PCDHA4: variants seen among roughly 807,000 people sequenced by gnomAD.
PCDHA4 encodes the protein protocadherin alpha 4.
PCDHA4 carries 49 observed loss-of-function variants against 61.4 expected under a neutral mutation model. The ratio of observed to expected loss-of-function variants is 0.80; its 90% CI spans 0.63 to 1.01. The LOEUF (loss-of-function observed/expected upper bound fraction) is 1.01. Ranked by LOEUF, PCDHA4 falls within the 50% of genes least tolerant of loss-of-function variation. The pLI, the probability that PCDHA4 is intolerant of heterozygous loss-of-function variation, is 0.00. For missense variants in PCDHA4, 1,254 were observed against 1,235.8 expected, an observed-to-expected ratio of 1.01 and a Z score of -0.22; for synonymous variants, 590 against 550.3, an observed-to-expected ratio of 1.07 and a Z score of -1.01.
intron 1 of PCDHA4, chr5:140,854,159 C>A (rs1172794260): frequency 2.5e-3 from 847 of 341,142 alleles, no homozygotes; most frequent in Admixed American, 7.6e-3. Context: ...GATTCTGTCT[C>A]AAAAAAAAAA....
intron 1 of PCDHA4, chr5:140,848,908 A>C: frequency 6.2e-7 from 1 of 1,600,388 alleles, no homozygotes; most frequent in Non-Finnish European, 8.5e-7. Flanking sequence ...GCGACACAAA[A>C]GAATCTGTTC....
chr5:140,829,948 C>T (rs1770701254), intron 1 of PCDHA4: 1 of 1,613,996 alleles, frequency 6.2e-7, no homozygotes, highest in Non-Finnish European at 8.5e-7. Flanking sequence ...GCAGCGCTCG[C>T]TTCCCGTTTC....
intron 1 of PCDHA4, chr5:140,882,775 C>T (rs1554175564): frequency 2.5e-6 from 4 of 1,614,220 alleles, no homozygotes; most frequent in East Asian, 4.5e-5. Flanking sequence ...CGGCATTGAC[C>T]TACCGACTGG....
rs2150311050 is a variant in PCDHA4, at chr5:140,841,098, T to C, written c.2385+31526T>C. The C allele has an allele frequency of 1.6e-4, 93 of 572,610 alleles. 1 individual carries two copies. The highest frequency in any genetic ancestry group is 1.4e-3 in the African/African-American group (77 of 53,518). The allele number at this position is 572,610 out of a possible 1,614,324, so 35.5% of individuals were successfully genotyped here. On this transcript the variant is annotated intron_variant, in intron 1 of 3. Transcript: ENST00000530339. ...GAAAGTGCATAGAAGAACCCAGATA[T>C]TGCGGAAGTAATTCATGTAATCATT...
At chr5:140,862,583 A>C in intron 1 of PCDHA4, 1 of 494,044 alleles carries the variant, frequency 2.0e-6, no homozygotes, top group South Asian at 1.6e-5. Flanking sequence ...GCGTTCCAGC[A>C]GCCCGAGTAC....
chr5:140,815,780 C>T (rs1220989871), intron 1 of PCDHA4: 2 of 152,174 alleles, frequency 1.3e-5, no homozygotes, highest in African/African-American at 4.8e-5. Context: ...ATTGTGATCA[C>T]CTTCAGCTTT....
intron 1 of PCDHA4, chr5:140,876,095 T>C (rs781801828): frequency 4.3e-6 from 7 of 1,613,928 alleles, no homozygotes; most frequent in Non-Finnish European, 5.9e-6. Context: ...ACGCCAAAAC[T>C]CAATTTATTG....
chr5:140,842,275 C>A, intron 1 of PCDHA4: 2 of 1,610,286 alleles, frequency 1.2e-6, no homozygotes, highest in Non-Finnish European at 8.5e-7. Flanking sequence ...TATACAAAAT[C>A]CTCATTGACG....
intron 1 of PCDHA4, chr5:140,823,575 G>C: frequency 6.2e-7 from 1 of 1,613,976 alleles, no homozygotes; most frequent in Non-Finnish European, 8.5e-7. Flanking sequence ...ACCCTGATTC[G>C]GGCTACAACG....
chr5:140,968,714 G>A, intron 1 of PCDHA4: 1 of 1,614,150 alleles, frequency 6.2e-7, no homozygotes, highest in South Asian at 1.1e-5. Flanking sequence ...GAAGATGGGA[G>A]ATGAGAGTGG....
chr5:140,853,458 T>TA lies in PCDHA4; in HGVS notation c.2385+43887dup. 7 of 974,486 alleles carry TA rather than the reference T, an allele frequency of 7.2e-6. 1 individual carries two copies. Among genetic ancestry groups the TA allele is most frequent in the Non-Finnish European group, 8.7e-6 (7 of 807,370 alleles). The allele number at this position is 974,486 out of a possible 1,614,324, so 60.4% of individuals were successfully genotyped here. ...CTATTTTGCCTAATAGGTCTCCTTA[T>TA]ATGCATCTGTAGTTAACATTCCTCA... On this transcript the variant is annotated intron_variant, in intron 1 of 3. Coordinates refer to ENST00000530339, the MANE Select transcript of PCDHA4 (RefSeq NM_018907.4).
chr5:140,927,516 C>G (rs782661477), intron 1 of PCDHA4: 22 of 1,614,066 alleles, frequency 1.4e-5, no homozygotes, highest in Non-Finnish European at 1.8e-5. Flanking sequence ...CTCGGGACGG[C>G]GGGCTACCTG....
intron 1 of PCDHA4, chr5:140,869,216 A>C: frequency 6.2e-7 from 1 of 1,613,836 alleles, no homozygotes; most frequent in South Asian, 1.1e-5. Flanking sequence ...GTCTCGGAGG[A>C]GGCCAAACAC....
At chr5:140,996,968 C>G (rs1290343779) in intron 3 of PCDHA4, among the ~76,000 whole-genome samples, 1 of 152,132 alleles carries the variant, frequency 6.6e-6, no homozygotes, top group Non-Finnish European at 1.5e-5. Context: ...CAATCCCACT[C>G]CCCTTTGGTG....
chr5:140,865,139 A>G (rs1467997658), intron 1 of PCDHA4: 1 of 152,202 alleles, frequency 6.6e-6, no homozygotes, highest in Non-Finnish European at 1.5e-5. Flanking sequence ...CTTAGAATTT[A>G]ACATTGTATA....
chr5:140,864,625 G>GAAAAC (rs1229518182), intron 1 of PCDHA4: 2 of 152,052 alleles, frequency 1.3e-5, no homozygotes, highest in Non-Finnish European at 2.9e-5. Flanking sequence ...TTTTTAAAAA[G>GAAAAC]AAAACAAAAC....
chr5:140,983,284 A>G (rs540419188), intron 3 of PCDHA4, among the ~76,000 whole-genome samples: 1 of 152,330 alleles, frequency 6.6e-6, no homozygotes, highest in East Asian at 1.9e-4. Context: ...GAGTATAGGA[A>G]AATTGCTTAA....
intron 1 of PCDHA4, chr5:140,855,997 T>C (rs1562502842): frequency 1.3e-6 from 2 of 1,505,732 alleles, no homozygotes; most frequent in Non-Finnish European, 1.8e-6. Flanking sequence ...TCAGATCGTA[T>C]GTGCGTTCTA....
At chr5:140,814,223 T>G (rs184891993) in intron 1 of PCDHA4, 76 of 152,744 alleles carry the variant, frequency 5.0e-4, no homozygotes, top group East Asian at 7.7e-4. Context: ...AGTGTTTTTT[T>G]TTGTTGTTGT....
Sources: allele counts gnomAD v4.1 joint callset (sites outside exome capture counted in the v4.1 genomes callset), GRCh38; gene constraint gnomAD v4.1.1; transcripts MANE v1.5; gene names NCBI Gene and HGNC (gene_info 2026-07-23, HGNC 2026-07-21).